The following TBCK variants were observed in gnomAD, a reference collection of about 807,000 sequenced individuals.
The protein encoded by TBCK is TBC1 domain containing kinase, also known as TBC domain-containing protein kinase-like protein.
In TBCK, 99 loss-of-function variants were observed where a neutral mutation model predicts 113.4. The observed-to-expected ratio is 0.87, with a 90% CI of 0.74 to 1.03. TBCK has a LOEUF of 1.03. TBCK is among the 50% of genes least tolerant of loss of function. The probability of loss-of-function intolerance (pLI) is 0.00; values close to 1 mark genes in which losing one functional copy is unlikely to be tolerated. For synonymous variants in TBCK, 369 were observed against 370.8 expected (o/e 1.00, Z 0.05); for missense variants, 1,045 against 1,061.3 (o/e 0.98, Z 0.21).
intron 19 of TBCK, among the ~76,000 whole-genome samples, chr4:106,222,773 C>A (rs978761869): frequency 4.6e-5 from 7 of 151,984 alleles, no homozygotes; most frequent in African/African-American, 1.7e-4. Flanking sequence ...GCAAATGAAC[C>A]TGAATTACTT....
At chr4:106,089,349 T>G (rs773540973) in intron 25 of TBCK, among the ~76,000 whole-genome samples, 1 of 152,114 alleles carries the variant, frequency 6.6e-6, no homozygotes, top group African/African-American at 2.4e-5. Context: ...TCCAAACACC[T>G]CCTTAAAAGG....
At chr4:106,237,286 A>G (rs1759581533) in intron 12 of TBCK, among the ~76,000 whole-genome samples, 1 of 152,156 alleles carries the variant, frequency 6.6e-6, no homozygotes, top group Non-Finnish European at 1.5e-5. Context: ...TTCTCACATC[A>G]TACTTTGAAC....
In TBCK at chr4:106,116,234, G is replaced by T. The variant is rs370931233; in HGVS notation, c.2380C>A (p.Leu794Ile). 1.9e-6 allele frequency: 3 copies of T among 1,614,042 alleles called. No individual in the cohort carries two copies. The highest frequency in any genetic ancestry group is 2.5e-6 in the Non-Finnish European group (3 of 1,180,006). The change falls in exon 24 of 26, where the codon CTC (leucine) becomes ATC (isoleucine). Residue 794 changes from leucine (L) to isoleucine (I), a missense_variant. Physicochemically the swap from Leu to Ile is conservative, Grantham distance 5 (BLOSUM62 2). Transcript: ENST00000394708. ...SKKTKSSKPK[L>I]LVVDIRNSED... is the part of the protein sequence containing the mutation. ...CTATTCCGGATGTCAACCACCAGGA[G>T]CTTTGGTTTACTGGACTTTGTTTTC...
chr4:106,268,459 A>G (rs1401409692), intron 3 of TBCK, among the ~76,000 whole-genome samples: 1 of 152,106 alleles, frequency 6.6e-6, no homozygotes, highest in African/African-American at 2.4e-5. Context: ...AAATACATAT[A>G]TAAAATAATA....
chr4:106,195,352 A>C (rs540235244), intron 20 of TBCK, among the ~76,000 whole-genome samples: 2 of 152,240 alleles, frequency 1.3e-5, no homozygotes, highest in South Asian at 4.2e-4. Flanking sequence ...GCTAATCCAA[A>C]TGCAATGCTG....
intron 5 of TBCK, chr4:106,255,124 C>T: frequency 4.6e-6 from 1 of 215,866 alleles, no homozygotes; most frequent in Admixed American, 5.7e-5. Context: ...CTAACCCTAA[C>T]AATCTATAAA....
At chr4:106,211,451 A>G (rs1466901770) in intron 20 of TBCK, among the ~76,000 whole-genome samples, 2 of 152,106 alleles carry the variant, frequency 1.3e-5, no homozygotes, top group Non-Finnish European at 2.9e-5. Flanking sequence ...TTAAATGTAG[A>G]CTTTTCAAAA....
chr4:106,074,090 C>T (rs952700091), intron 25 of TBCK, among the ~76,000 whole-genome samples: 2 of 152,196 alleles, frequency 1.3e-5, no homozygotes, highest in African/African-American at 4.8e-5. Context: ...AATGCCCTGC[C>T]CTGCTTCAGC....
At chr4:106,178,347 C>G (rs1231865078) in intron 22 of TBCK, among the ~76,000 whole-genome samples, 2 of 151,724 alleles carry the variant, frequency 1.3e-5, no homozygotes, top group African/African-American at 4.8e-5. Context: ...TCTAGAATTT[C>G]CAGTACTCTG....
At chr4:106,229,902 TAAG>T (rs1350829058) in intron 19 of TBCK, among the ~76,000 whole-genome samples, 1 of 151,926 alleles carries the variant, frequency 6.6e-6, no homozygotes, top group Non-Finnish European at 1.5e-5. Context: ...CATGAACTCT[TAAG>T]GAGGAGGTAT....
chr4:106,056,841 T>G (rs1174891919), intron 25 of TBCK, among the ~76,000 whole-genome samples: 1 of 151,780 alleles, frequency 6.6e-6, no homozygotes, highest in Non-Finnish European at 1.5e-5. Flanking sequence ...CAATGTGTAC[T>G]ATTTAAAATT....
At chr4:106,297,604 G>A (rs1766445485) in intron 2 of TBCK, 1 of 152,144 alleles carries the variant, frequency 6.6e-6, no homozygotes, top group Non-Finnish European at 1.5e-5. Context: ...ATCATAAGAA[G>A]TCTGAATATG....
At chr4:106,054,740 G>A (rs1735194399) in intron 25 of TBCK, among the ~76,000 whole-genome samples, 1 of 151,630 alleles carries the variant, frequency 6.6e-6, no homozygotes, top group Non-Finnish European at 1.5e-5. Flanking sequence ...TGTGTGTCAG[G>A]CACTATGCTA....
At chr4:106,251,798 C>T in intron 6 of TBCK, 68 bp downstream of exon 6, 1 of 1,318,572 alleles carries the variant, frequency 7.6e-7, no homozygotes, top group East Asian at 2.7e-5. Context: ...ATTAACTTTC[C>T]TCTCCAAAAG....
chr4:106,301,700 A>C (rs1320507160), intron 2 of TBCK, among the ~76,000 whole-genome samples: 1 of 152,216 alleles, frequency 6.6e-6, no homozygotes, highest in Non-Finnish European at 1.5e-5. Flanking sequence ...AACAGACCAC[A>C]TGTAACAAGA....
intron 19 of TBCK, among the ~76,000 whole-genome samples, chr4:106,214,037 C>A (rs1360338150): frequency 1.3e-5 from 2 of 152,278 alleles, no homozygotes; most frequent in Non-Finnish European, 2.9e-5. Context: ...CAGCAGACTG[C>A]CCCCTCAAGT....
intron 25 of TBCK, among the ~76,000 whole-genome samples, chr4:106,090,529 G>A (rs532590506): frequency 6.6e-6 from 1 of 152,224 alleles, no homozygotes; most frequent in South Asian, 2.1e-4. Flanking sequence ...AGCCTGCTTG[G>A]ATTTTTTCTA....
chr4:106,236,356 C>T (rs1759457339), intron 14 of TBCK, 34 bp downstream of exon 14: 2 of 1,356,728 alleles, frequency 1.5e-6, no homozygotes, highest in Non-Finnish European at 1.9e-6. Context: ...TCCATATGGG[C>T]TATTGTTAAC....
At chr4:106,123,257 G>A (rs1192804873) in intron 23 of TBCK, among the ~76,000 whole-genome samples, 3 of 152,126 alleles carry the variant, frequency 2.0e-5, no homozygotes, top group African/African-American at 7.2e-5. Flanking sequence ...AATCATGAGT[G>A]AACTCCCATT....
Sources: allele counts gnomAD v4.1 joint callset (sites outside exome capture counted in the v4.1 genomes callset), GRCh38; gene constraint gnomAD v4.1.1; transcripts MANE v1.5; gene names NCBI Gene and HGNC (gene_info 2026-07-23, HGNC 2026-07-21).